COL16A1: variants seen among roughly 807,000 people sequenced by gnomAD.
COL16A1 encodes collagen type XVI alpha 1 chain.
A neutral mutation model predicts 266.3 loss-of-function variants in COL16A1; 189 were observed. That is an observed-to-expected ratio of 0.71 (90% confidence interval 0.63 to 0.80). COL16A1 has a LOEUF of 0.80. Among genes scored for constraint, COL16A1 ranks in the 30% least tolerant of loss-of-function variants. COL16A1 has a pLI of 0.00. For missense variants in COL16A1, 1,928 were observed against 2,122.4 expected (o/e 0.91, Z 1.80); for synonymous variants, 740 against 782.3 (o/e 0.95, Z 0.90).
chr1:31,666,606 C>T (rs1642165735), intron 52 of COL16A1, among the ~76,000 whole-genome samples: 1 of 152,150 alleles, frequency 6.6e-6, no homozygotes, highest in Non-Finnish European at 1.5e-5. Context: ...GCCCCCTTCC[C>T]CCCTTCCTAG....
In COL16A1 at chr1:31,658,939, G is replaced by A. The variant is rs371192634; in HGVS notation, c.3905C>T (p.Pro1302Leu). 38 of 1,554,864 alleles carry A rather than the reference G, an allele frequency of 2.4e-5. No homozygotes were observed. The African/African-American group carries it at 4.8e-4, about 20-fold the overall frequency. Residue 1302 changes from proline (P) to leucine (L), a missense_variant, in exon 63 of 71, where the codon CCA (proline) becomes CTA (leucine). Physicochemically the swap from Pro to Leu is moderately conservative, Grantham distance 98. Around this residue, in one of 2 missense-constraint regions of COL16A1, gnomAD observed 376 missense variants for 485.2 expected, o/e 0.77. Coordinates refer to ENST00000373672, the MANE Select transcript of COL16A1 (RefSeq NM_001856.4). ...CACTGCAGAGATCCCAGCTGGTCCT[G>A]GCTGGCCTGGAGGCCCTGGTGGCCC... ...HVGPPGPPGQ[P>L]GPAGISAVGL...
At position 31,664,152 on chromosome 1, in the gene COL16A1, GGGAA is replaced by G. The variant is rs150954161; in HGVS notation, c.3555+1016_3555+1019del. Among the ~76,000 whole-genome samples, 2 of 148,798 alleles carry G rather than the reference GGGAA, an allele frequency of 1.3e-5. No homozygotes were observed. Among genetic ancestry groups the G allele is most frequent in the African/African-American group, 5.2e-5 (2 of 38,666 alleles). ...GGGCTGCCACTCAGGTCCTGGGGAG[GGGAA>G]GGAAGGGGAAGGGGAAGGGGAAGGG... On this transcript the variant is annotated intron_variant, in intron 56 of 70. Coordinates refer to ENST00000373672, the MANE Select transcript of COL16A1 (RefSeq NM_001856.4). The surrounding 1 kb of genome is among the most constrained non-coding windows in gnomAD (Gnocchi z 5.5).
chr1:31,684,708 C>T, intron 30 of COL16A1, 78 bp from the exon 31 acceptor site: 1 of 1,608,770 alleles, frequency 6.2e-7, no homozygotes, highest in South Asian at 1.1e-5. Context: ...CGCAGGCACT[C>T]ACACTCCTTT....
intron 12 of COL16A1, 128 bp from the exon 13 acceptor site, chr1:31,693,282 G>T (rs1177054992): frequency 1.5e-6 from 1 of 673,064 alleles, no homozygotes; most frequent in Non-Finnish European, 2.7e-6. Flanking sequence ...GCACACATGT[G>T]AGCAGTGTCC....
rs1487868898 is a variant in COL16A1, at chr1:31,660,783, G to A, written c.3826-145C>T. On this transcript the variant is annotated intron_variant, in intron 61 of 70. Transcript: ENST00000373672. Reference sequence around the variant, plus strand: ...GCCAATTCCCAGCCTCCAGACCCAAGTTTCCCGGAGAGTTAGGTAGAGAAG... The same window carrying A: ...GCCAATTCCCAGCCTCCAGACCCAAATTTCCCGGAGAGTTAGGTAGAGAAG... 7 of 1,262,760 alleles carry A rather than the reference G, an allele frequency of 5.5e-6. No individual in the cohort carries two copies. The Admixed American group carries it at 7.6e-5, about 14-fold the overall frequency. The allele number at this position is 1,262,760 out of a possible 1,614,324, so 78.2% of individuals were successfully genotyped here.
At chr1:31,681,423 G>A (rs747965438) in intron 37 of COL16A1, among the ~76,000 whole-genome samples, 12 of 152,230 alleles carry the variant, frequency 7.9e-5, no homozygotes, top group Non-Finnish European at 1.5e-4. Flanking sequence ...GGCGTGTGTA[G>A]CCTGAAGTCT....
chr1:31,692,532 A>G (rs1644318645), intron 15 of COL16A1, 23 bp from the exon 16 acceptor site: 1 of 1,613,912 alleles, frequency 6.2e-7, no homozygotes, highest in South Asian at 1.1e-5. Flanking sequence ...AGGGAGACAG[A>G]GGAAGGGAGG....
rs1484271049 is a variant in COL16A1, at chr1:31,696,077, CCCA to C, written c.918+8_918+10del. 1.3e-6 allele frequency: 2 copies of C among 1,598,390 alleles called. No individual in the cohort carries two copies. Among genetic ancestry groups the C allele is most frequent in the Non-Finnish European group, 1.7e-6 (2 of 1,166,004 alleles). On this transcript the variant is annotated splice_region_variant and intron_variant, in intron 9 of 70. Coordinates refer to ENST00000373672, the MANE Select transcript of COL16A1 (RefSeq NM_001856.4). Reference sequence around the variant, plus strand: ...GGGCAGGTAGGCTCCTCCCCCCACCCCCACCTCTACCTTTGCTCCCCTTTCTGC... The same window carrying C: ...GGGCAGGTAGGCTCCTCCCCCCACCCCCTCTACCTTTGCTCCCCTTTCTGC...
chr1:31,665,315 G>A, intron 55 of COL16A1, 81 bp from the exon 56 acceptor site: 1 of 1,546,732 alleles, frequency 6.5e-7, no homozygotes, highest in South Asian at 1.2e-5. Context: ...TGTGCATGAT[G>A]CACTGTTGTT....
chr1:31,696,230 C>T, intron 8 of COL16A1, 89 bp from the exon 9 acceptor site: 2 of 1,187,222 alleles, frequency 1.7e-6, no homozygotes, highest in Admixed American at 3.6e-5. Context: ...GGGGCATGGG[C>T]CCCAGGTAAT....
intron 26 of COL16A1, among the ~76,000 whole-genome samples, chr1:31,687,857 AT>A (rs1210869992): frequency 6.6e-6 from 1 of 152,192 alleles, no homozygotes; most frequent in African/African-American, 2.4e-5. Context: ...CACCCACAGA[AT>A]TTGGGTAACA....
rs79045630 is a variant in COL16A1 at position 31,662,914 on chromosome 1, G to A, written c.3556-256C>T. The stretch of plus-strand genomic sequence containing the variant: ...GAAGGGACAGGGCATCTTCTCCAGT[G>A]CTGACCCAGGGGCTGGCATGGCAGG... On this transcript the variant is annotated intron_variant, in intron 56 of 70. Transcript: ENST00000373672. The A allele has an allele frequency of 2.8e-3, 1,600 of 574,830 alleles. 22 individuals carry two copies. In the East Asian group the frequency reaches 0.038, roughly 14 times the overall value. The allele number at this position is 574,830 out of a possible 1,614,324, so 35.6% of individuals were successfully genotyped here. A position where few individuals can be genotyped will look rare whatever the true frequency, so the allele number is the denominator to read the frequency against.
intron 8 of COL16A1, 66 bp downstream of exon 8, chr1:31,696,897 A>G: frequency 6.3e-7 from 1 of 1,599,728 alleles, no homozygotes; most frequent in Non-Finnish European, 8.5e-7. Flanking sequence ...GACGTCAGTC[A>G]GCTCAGGGGA....
chr1:31,702,824 G>C (rs1644768871), intron 1 of COL16A1, among the ~76,000 whole-genome samples: 1 of 152,126 alleles, frequency 6.6e-6, no homozygotes, highest in African/African-American at 2.4e-5. Flanking sequence ...TAGGTATAGT[G>C]GGCAGGAGAG....
intron 27 of COL16A1, 51 bp from the exon 28 acceptor site, chr1:31,686,186 C>T (rs1643964443): frequency 3.7e-6 from 6 of 1,614,180 alleles, no homozygotes. Flanking sequence ...AGGGCCATGC[C>T]TATCAGCCCC....
chr1:31,669,328 A>AAAATCACTTTCTTGGAGGG (rs1642438288), intron 49 of COL16A1, among the ~76,000 whole-genome samples: 1 of 151,768 alleles, frequency 6.6e-6, no homozygotes, highest in Non-Finnish European at 1.5e-5. Flanking sequence ...CCCCCACCCC[A>AAAATCACTTTCTTGGAGGG]AGCAAAAATC....
intron 48 of COL16A1, 119 bp downstream of exon 48, chr1:31,671,496 T>G: frequency 7.9e-7 from 1 of 1,268,110 alleles, no homozygotes; most frequent in Non-Finnish European, 1.1e-6. Context: ...GGGAGGGCAG[T>G]GGAAGTTCCC....
At chr1:31,662,158 G>A (rs1420664976) in intron 58 of COL16A1, among the ~76,000 whole-genome samples, 176 bp downstream of exon 58, 1 of 152,208 alleles carries the variant, frequency 6.6e-6, no homozygotes, top group Non-Finnish European at 1.5e-5. Flanking sequence ...GGGAAGCCAA[G>A]GGGCTGTGGT....
chr1:31,675,955 C>T (rs947458017), intron 42 of COL16A1, among the ~76,000 whole-genome samples: 1 of 152,194 alleles, frequency 6.6e-6, no homozygotes, highest in South Asian at 2.1e-4. Context: ...CCACACCCAG[C>T]CTATTTTCTC....
Sources: gnomAD v4.1 joint callset for allele counts (sites outside exome capture counted in the v4.1 genomes callset) on GRCh38, gnomAD v4.1.1 for gene constraint, gnomAD v4.1.1 regional missense constraint, Gnocchi (gnomAD v3.1) non-coding constraint, MANE v1.5 for transcripts, NCBI Gene and HGNC (gene_info 2026-07-23, HGNC 2026-07-21) for gene names.